Variants in ADAMTSL1 observed in about 807,000 individuals in gnomAD.
ADAMTSL1 encodes ADAMTS-like protein 1.
A neutral mutation model predicts 201.8 loss-of-function variants in ADAMTSL1; 126 were observed. That is an observed-to-expected ratio of 0.62 (90% CI 0.54 to 0.72). The LOEUF (loss-of-function observed/expected upper bound fraction) is 0.72, where lower values mean the gene tolerates loss of function less well. Ranked by LOEUF, ADAMTSL1 falls within the 30% of genes least tolerant of loss-of-function variation. The pLI is 0.00. For missense variants in ADAMTSL1, 2,679 were observed against 2,277.8 expected, an observed-to-expected ratio of 1.18 and a Z score of -3.59; for synonymous variants, 1,121 against 903.4, an observed-to-expected ratio of 1.24 and a Z score of -4.32.
intron 1 of ADAMTSL1, among the ~76,000 whole-genome samples, chr9:17,990,958 G>C (rs923721703): frequency 6.6e-6 from 1 of 152,058 alleles, no homozygotes; most frequent in Non-Finnish European, 1.5e-5. Context: ...TCGAATCTCA[G>C]TAACAAAGTA....
In ADAMTSL1 at chr9:18,707,787, A is replaced by G. The variant is rs372568360; in HGVS notation, c.1876+739A>G. Among the ~76,000 whole-genome samples, 4 of 152,218 alleles carry G rather than the reference A, an allele frequency of 2.6e-5. No individual in the cohort carries two copies. The East Asian group carries it at 5.8e-4, about 22-fold the overall frequency. The stretch of plus-strand genomic sequence containing the variant: ...TAACTCACGTTAAATGTTTCCACAT[A>G]TATCCATCTGGTTCTCCTTGGTGTA... On this transcript the variant is annotated intron_variant, in intron 14 of 28. Transcript: ENST00000380548.
chr9:18,714,320 T>C (rs1446634228), intron 14 of ADAMTSL1, among the ~76,000 whole-genome samples: 4 of 151,736 alleles, frequency 2.6e-5, no homozygotes, highest in South Asian at 2.1e-4. Context: ...AGCTGGTTTT[T>C]TGAAAGGATC....
chr9:18,504,677 T>C, intron 1 of ADAMTSL1, 152 bp from the exon 2 acceptor site: 2 of 1,118,790 alleles, frequency 1.8e-6, no homozygotes. Context: ...ATAGGCATTA[T>C]GAAATGGAAA....
chr9:17,916,567 G>A (rs1010159364), intron 1 of ADAMTSL1, among the ~76,000 whole-genome samples: 1 of 152,086 alleles, frequency 6.6e-6, no homozygotes, highest in Non-Finnish European at 1.5e-5. Flanking sequence ...TTTTTGCAAA[G>A]ACCATCCTTT....
At chr9:18,240,856 T>C (rs1831033338) in intron 2 of ADAMTSL1, among the ~76,000 whole-genome samples, 1 of 152,204 alleles carries the variant, frequency 6.6e-6, no homozygotes, top group South Asian at 2.1e-4. Context: ...TTTTCTGTTA[T>C]AGAGGCAGCT....
chr9:18,681,698 G>GTGTGTGT, intron 11 of ADAMTSL1, 114 bp from the exon 12 acceptor site: 3 of 322,688 alleles, frequency 9.3e-6, no homozygotes, highest in South Asian at 1.2e-4. Context: ...GTCCTCGTGT[G>GTGTGTGT]GGGGGGGGGG....
chr9:18,783,432 T>A (rs1454186300), intron 19 of ADAMTSL1, among the ~76,000 whole-genome samples: 8 of 152,124 alleles, frequency 5.3e-5, no homozygotes, highest in Admixed American at 4.6e-4. Flanking sequence ...TAATTTGGAG[T>A]TAAACAAGCA....
intron 1 of ADAMTSL1, among the ~76,000 whole-genome samples, chr9:17,951,177 C>T (rs574308148): frequency 3.3e-4 from 50 of 152,236 alleles, no homozygotes; most frequent in African/African-American, 1.1e-3. Context: ...GGATTAGCTC[C>T]CGGGGCACAG....
intron 2 of ADAMTSL1, among the ~76,000 whole-genome samples, chr9:18,405,121 G>A (rs1818135013): frequency 6.6e-6 from 1 of 152,264 alleles, no homozygotes; most frequent in East Asian, 1.9e-4. Context: ...GACTCTACCT[G>A]TATAGCTGCA....
intron 1 of ADAMTSL1, among the ~76,000 whole-genome samples, chr9:18,068,555 C>G (rs979058181): frequency 6.6e-6 from 1 of 151,992 alleles, no homozygotes; most frequent in Non-Finnish European, 1.5e-5. Context: ...ACAAATGCAC[C>G]TCAAAATGGT....
intron 1 of ADAMTSL1, among the ~76,000 whole-genome samples, chr9:18,035,964 CT>C (rs1453974408): frequency 6.6e-6 from 1 of 152,142 alleles, no homozygotes; most frequent in Non-Finnish European, 1.5e-5. Flanking sequence ...TCCTTACCCC[CT>C]ATCTTGCTAT....
intron 2 of ADAMTSL1, among the ~76,000 whole-genome samples, chr9:18,200,439 T>C (rs1364378957): frequency 6.6e-6 from 1 of 152,140 alleles, no homozygotes; most frequent in Non-Finnish European, 1.5e-5. Context: ...TTTGAAGAGA[T>C]GATTACACAT....
intron 3 of ADAMTSL1, among the ~76,000 whole-genome samples, chr9:18,548,686 C>T (rs533978813): frequency 2.6e-5 from 4 of 151,834 alleles, no homozygotes; most frequent in South Asian, 2.1e-4. Context: ...TTTTCTAGAA[C>T]GTAAGTGACA....
At chr9:17,993,463 C>G (rs199937391) in intron 1 of ADAMTSL1, among the ~76,000 whole-genome samples, 1 of 151,760 alleles carries the variant, frequency 6.6e-6, no homozygotes, top group African/African-American at 2.4e-5. Flanking sequence ...TCGTAGTTTA[C>G]AGTTCTATTC....
intron 1 of ADAMTSL1, among the ~76,000 whole-genome samples, chr9:18,083,434 A>G (rs1823603398): frequency 6.6e-6 from 1 of 152,196 alleles, no homozygotes; most frequent in Admixed American, 6.5e-5. Context: ...GCTTTTTTGG[A>G]TAAAAATGCC....
chr9:18,625,995 C>T (rs984073313), intron 5 of ADAMTSL1, among the ~76,000 whole-genome samples: 23 of 152,110 alleles, frequency 1.5e-4, no homozygotes, highest in Admixed American at 5.2e-4. Context: ...AGGTAAAGTA[C>T]GCTTATAATA....
At chr9:18,131,716 C>A (rs1825961354) in intron 1 of ADAMTSL1, among the ~76,000 whole-genome samples, 1 of 152,068 alleles carries the variant, frequency 6.6e-6, no homozygotes, top group South Asian at 2.1e-4. Context: ...TTTGCTGGGA[C>A]TGTGTACCCT....
At chr9:18,096,645 A>C (rs1228275190) in intron 1 of ADAMTSL1, among the ~76,000 whole-genome samples, 1 of 152,148 alleles carries the variant, frequency 6.6e-6, no homozygotes, top group Middle Eastern at 3.2e-3. Context: ...TCTTTTTCTG[A>C]AGTATACTTT....
intron 2 of ADAMTSL1, among the ~76,000 whole-genome samples, chr9:18,287,379 A>G (rs892763631): frequency 2.0e-5 from 3 of 152,000 alleles, no homozygotes; most frequent in Non-Finnish European, 4.4e-5. Flanking sequence ...ACATACATGT[A>G]TATATGTGTG....
Sources: allele counts gnomAD v4.1 joint callset (sites outside exome capture counted in the v4.1 genomes callset), GRCh38; gene constraint gnomAD v4.1.1; transcripts MANE v1.5; gene names NCBI Gene and HGNC (gene_info 2026-07-23, HGNC 2026-07-21).